The following KDM3B variants were observed in gnomAD, a reference collection of about 807,000 sequenced individuals.
KDM3B encodes the protein lysine demethylase 3B, also known as lysine-specific demethylase 3B.
Under a neutral mutation model 170.0 loss-of-function variants are expected in KDM3B, and 10 were observed. The observed-to-expected ratio is 0.06, with a 90% confidence interval of 0.04 to 0.10. The LOEUF is 0.10. Ranked by LOEUF, KDM3B falls within the 10% of genes least tolerant of loss-of-function variation. The pLI is 1.00. For synonymous variants in KDM3B, 831 were observed against 834.8 expected, an observed-to-expected ratio of 1.00 and a Z score of 0.08; for missense variants, 1,394 against 2,195.2, an observed-to-expected ratio of 0.64 and a Z score of 7.29.
intron 17 of KDM3B, among the ~76,000 whole-genome samples, chr5:138,426,409 C>A (rs1379613087): frequency 6.6e-6 from 1 of 151,044 alleles, no homozygotes; most frequent in Non-Finnish European, 1.5e-5. Context: ...CCTGTCTCTA[C>A]TAAAAATACA....
At chr5:138,359,432 G>C (rs1761541864) in intron 1 of KDM3B, among the ~76,000 whole-genome samples, 1 of 150,782 alleles carries the variant, frequency 6.6e-6, no homozygotes, top group African/African-American at 2.4e-5. Flanking sequence ...AAAGTGCTGG[G>C]ATTACAGGTG....
rs1416647368 is a variant in KDM3B, at chr5:138,391,305, A to G, written c.1673A>G (p.Lys558Arg). ...GATTCTTCTAGTCGGGACTCATTCA[A>G]ACAAAGCCTTGAGAGCCTGAGCTCA... ...ADDSSSRDSF[K>R]QSLESLSSGL... is the part of the protein sequence containing the mutation. The change falls in exon 8 of 24, where the codon AAA becomes AGA. Residue 558 changes from lysine (K) to arginine (R), a missense_variant. By Grantham distance (26) the Lys-to-Arg change is conservative. Transcript: ENST00000314358. The surrounding 1 kb of genome is among the most constrained non-coding windows in gnomAD (Gnocchi z 5.0). 3 of 1,614,062 alleles carry G rather than the reference A, an allele frequency of 1.9e-6. No homozygotes were observed. The highest frequency in any genetic ancestry group is 2.7e-5 in the African/African-American group (2 of 74,930).
chr5:138,357,717 A>C (rs1243416803), intron 1 of KDM3B, among the ~76,000 whole-genome samples: 1 of 151,350 alleles, frequency 6.6e-6, no homozygotes, highest in Non-Finnish European at 1.5e-5. Flanking sequence ...TTATTTTTTT[A>C]TTTTTATTTA....
chr5:138,379,661 A>G lies in KDM3B; in HGVS notation c.658A>G (p.Ser220Gly). 2 of 1,613,750 alleles carry G rather than the reference A, an allele frequency of 1.2e-6. No individual in the cohort carries two copies. The highest frequency in any genetic ancestry group is 1.7e-6 in the Non-Finnish European group (2 of 1,179,836). ...GEEGWLYGVV[S>G]HQDSITRLME... ...AGAAGGGTGGCTCTATGGTGTTGTG[A>G]GCCATCAGGACTCCATCACTCGTCT... Residue 220 changes from serine to glycine, a missense_variant, in exon 5 of 24, where the codon AGC becomes GGC. Physicochemically the swap from Ser to Gly is moderately conservative, Grantham distance 56. This residue lies in a region of KDM3B where 166 missense variants were observed against 216.4 expected (regional missense o/e 0.77). Coordinates refer to ENST00000314358, the MANE Select transcript of KDM3B (RefSeq NM_016604.4).
intron 12 of KDM3B, 66 bp from the exon 13 acceptor site, chr5:138,417,417 C>G: frequency 1.3e-6 from 2 of 1,517,888 alleles, no homozygotes; most frequent in Non-Finnish European, 1.8e-6. Context: ...AAAGAACACT[C>G]TTAGCACAAT....
At chr5:138,407,110 C>T (rs1270774120) in intron 11 of KDM3B, among the ~76,000 whole-genome samples, 6 of 151,946 alleles carry the variant, frequency 3.9e-5, no homozygotes, top group African/African-American at 1.2e-4. Context: ...CCCAGCCTCC[C>T]AAGTGGCTGG....
chr5:138,373,940 G>A (rs1761934810), intron 2 of KDM3B, among the ~76,000 whole-genome samples: 1 of 152,104 alleles, frequency 6.6e-6, no homozygotes, highest in South Asian at 2.1e-4. Flanking sequence ...TTAACTGATT[G>A]ATGGTATATG....
chr5:138,409,642 G>C (rs375376151), intron 11 of KDM3B, among the ~76,000 whole-genome samples: 1 of 152,174 alleles, frequency 6.6e-6, no homozygotes, highest in Non-Finnish European at 1.5e-5. Context: ...TATGGGCTGC[G>C]TGTGGTGGCT....
intron 1 of KDM3B, among the ~76,000 whole-genome samples, chr5:138,354,256 C>G (rs1003094952): frequency 6.6e-6 from 1 of 152,064 alleles, no homozygotes; most frequent in Non-Finnish European, 1.5e-5. Context: ...AGAAACGTTA[C>G]TAGGACATTT....
At chr5:138,365,134 G>A (rs1380112040) in intron 1 of KDM3B, among the ~76,000 whole-genome samples, 1 of 152,032 alleles carries the variant, frequency 6.6e-6, no homozygotes, top group Non-Finnish European at 1.5e-5. Context: ...TAGGAAAATT[G>A]GAAAATTTAG....
intron 1 of KDM3B, among the ~76,000 whole-genome samples, chr5:138,366,962 A>G (rs939440133): frequency 1.3e-5 from 2 of 152,114 alleles, no homozygotes; most frequent in African/African-American, 4.8e-5. Flanking sequence ...TCCTCCTACT[A>G]CTACTCCCAG....
At chr5:138,419,631 G>T (rs1763203312) in intron 14 of KDM3B, among the ~76,000 whole-genome samples, 3 of 133,668 alleles carry the variant, frequency 2.2e-5, no homozygotes, top group Admixed American at 8.2e-5. Flanking sequence ...CTCCAGCCTG[G>T]GTAACAGCAA....
At chr5:138,378,891 G>C (rs1221111000) in intron 4 of KDM3B, among the ~76,000 whole-genome samples, 1 of 151,568 alleles carries the variant, frequency 6.6e-6, no homozygotes, top group African/African-American at 2.4e-5. Context: ...TCTAAAATTG[G>C]TAATGATTTA....
intron 15 of KDM3B, among the ~76,000 whole-genome samples, chr5:138,422,455 A>C (rs79068031): frequency 6.6e-6 from 1 of 152,200 alleles, no homozygotes; most frequent in East Asian, 1.9e-4. Context: ...TGACCAACGT[A>C]GCAAAATCCT....
Position 138,419,098 on chromosome 5 carries a change from C to G in KDM3B, c.3581C>G (p.Thr1194Arg), listed in dbSNP as rs138616463. 2.4e-5 allele frequency: 38 copies of G among 1,614,226 alleles called. No homozygotes were observed. In the African/African-American group the frequency reaches 4.7e-4, roughly 20 times the overall value. ...TDIRSEEPLK[T>R]DSSASNSNSE... is the part of the protein sequence containing the mutation. ...ATCAGATCTGAAGAGCCTCTGAAAACAGACAGTTCGGCATCAAATAGCAAT... is the reference window on the plus strand; with the variant it reads ...ATCAGATCTGAAGAGCCTCTGAAAAGAGACAGTTCGGCATCAAATAGCAAT... The change falls in exon 14 of 24, where the codon ACA (threonine) becomes AGA (arginine). Residue 1194 changes from threonine to arginine, a missense_variant. Thr to Arg is a moderately conservative substitution (Grantham distance 71). Transcript: ENST00000314358.
At chr5:138,425,296 T>C in intron 16 of KDM3B, 115 bp from the exon 17 acceptor site, 1 of 870,488 alleles carries the variant, frequency 1.1e-6, no homozygotes, top group South Asian at 1.8e-5. Context: ...GAAAGAACAG[T>C]AGAGCTTCCT....
intron 12 of KDM3B, among the ~76,000 whole-genome samples, chr5:138,416,616 CAAAA>C (rs1561789199): frequency 7.3e-6 from 1 of 136,718 alleles, no homozygotes; most frequent in African/African-American, 2.7e-5. Context: ...AAAAACATAA[CAAAA>C]AACCAAAGAA....
At chr5:138,411,416 A>G (rs1751203745) in intron 11 of KDM3B, among the ~76,000 whole-genome samples, 1 of 152,206 alleles carries the variant, frequency 6.6e-6, no homozygotes, top group South Asian at 2.1e-4. Flanking sequence ...TCTAAGATCT[A>G]TATCTGGTAT....
intron 1 of KDM3B, among the ~76,000 whole-genome samples, chr5:138,360,415 A>T (rs1761566062): frequency 6.6e-6 from 1 of 152,052 alleles, no homozygotes; most frequent in African/African-American, 2.4e-5. Flanking sequence ...CACACTCATC[A>T]TCTTAACTCT....
Sources: gnomAD v4.1 joint callset for allele counts (sites outside exome capture counted in the v4.1 genomes callset) on GRCh38, gnomAD v4.1.1 for gene constraint, gnomAD v4.1.1 regional missense constraint, Gnocchi (gnomAD v3.1) non-coding constraint, MANE v1.5 for transcripts, NCBI Gene and HGNC (gene_info 2026-07-23, HGNC 2026-07-21) for gene names.